The following NAA35 variants were observed in gnomAD, a reference collection of about 807,000 sequenced individuals.
NAA35 encodes the protein MAK10 homolog, amino-acid N-acetyltransferase subunit.
In NAA35, 18 loss-of-function variants were observed where a neutral mutation model predicts 101.7. That is an observed-to-expected ratio of 0.18 (90% CI 0.12 to 0.26). The LOEUF is 0.26. Ranked by LOEUF, NAA35 falls within the 10% of genes least tolerant of loss-of-function variation. The probability of loss-of-function intolerance (pLI) is 1.00; values close to 1 mark genes in which losing one functional copy is unlikely to be tolerated. For synonymous variants in NAA35, 267 were observed against 273.1 expected (o/e 0.98, Z 0.22); for missense variants, 601 against 886.8 (o/e 0.68, Z 4.09).
chr9:85,941,925 T>C, intron 1 of NAA35: 2 of 1,235,122 alleles, frequency 1.6e-6, no homozygotes, highest in Non-Finnish European at 2.0e-6. Context: ...GCAAAATGTT[T>C]ATGGGCCCTG....
chr9:85,969,208 C>T (rs1829891450), intron 6 of NAA35, among the ~76,000 whole-genome samples: 1 of 146,148 alleles, frequency 6.8e-6, no homozygotes, highest in Non-Finnish European at 1.5e-5. Flanking sequence ...TATTGTTTTG[C>T]TTGGTGGAAT....
At chr9:85,994,822 C>T (rs1831084081) in intron 11 of NAA35, among the ~76,000 whole-genome samples, 1 of 152,020 alleles carries the variant, frequency 6.6e-6, no homozygotes, top group Admixed American at 6.6e-5. Context: ...TTTGATAGTA[C>T]AGAAGGGAGA....
intron 2 of NAA35, among the ~76,000 whole-genome samples, chr9:85,947,255 C>G (rs1828810045): frequency 6.6e-6 from 1 of 151,928 alleles, no homozygotes; most frequent in Non-Finnish European, 1.5e-5. Context: ...TAAAGACTAT[C>G]ATTGAAATGA....
At position 85,980,976 on chromosome 9, in the gene NAA35, C is replaced by T. The variant is rs532474819; in HGVS notation, c.877+2595C>T. Among the ~76,000 whole-genome samples, 42 of 152,276 alleles carry T rather than the reference C, an allele frequency of 2.8e-4. 1 individual carries two copies. The South Asian group carries it at 7.2e-3, about 26-fold the overall frequency. On this transcript the variant is annotated intron_variant, in intron 11 of 22. Transcript: ENST00000361671. ...ACCTCATTCCTTTTCCACACCTACCCTCCATTTAGAGACAGACATTGTGTT... is the reference window on the plus strand; with the variant it reads ...ACCTCATTCCTTTTCCACACCTACCTTCCATTTAGAGACAGACATTGTGTT...
chr9:85,980,344 CTGGAAG>C (rs1257055232), intron 11 of NAA35, among the ~76,000 whole-genome samples: 1 of 148,694 alleles, frequency 6.7e-6, no homozygotes, highest in African/African-American at 2.6e-5. Context: ...TCTCCCATCC[CTGGAAG>C]TTGTGGGGTG....
At chr9:85,973,126 CG>C (rs765515326) in intron 6 of NAA35, among the ~76,000 whole-genome samples, 8 of 151,968 alleles carry the variant, frequency 5.3e-5, no homozygotes, top group Non-Finnish European at 1.0e-4. Context: ...GTGTGGGAGC[CG>C]TGAGAGGAGA....
chr9:85,963,445 T>G (rs1485059375), intron 6 of NAA35, among the ~76,000 whole-genome samples: 1 of 151,780 alleles, frequency 6.6e-6, no homozygotes, highest in Non-Finnish European at 1.5e-5. Context: ...TAATTTTGTA[T>G]TTTAGTAGAG....
Position 85,976,742 on chromosome 9 carries a change from G to T in NAA35, c.678+7G>T, listed in dbSNP as rs780456958. ...TCCAGAAGTTGAACTAGAAGTAATT[G>T]AACTTATTTTCTGGTAGATAATATC... On this transcript the variant is annotated splice_region_variant and intron_variant, in intron 9 of 22. Transcript: ENST00000361671. 83 of 1,584,552 alleles carry T rather than the reference G, an allele frequency of 5.2e-5. No individual in the cohort carries two copies. The highest frequency in any genetic ancestry group is 7.0e-5 in the Non-Finnish European group (82 of 1,164,946).
chr9:85,968,409 A>G (rs1181878011), intron 6 of NAA35, among the ~76,000 whole-genome samples: 1 of 151,990 alleles, frequency 6.6e-6, no homozygotes, highest in East Asian at 1.9e-4. Context: ...ATGGGGTTTC[A>G]CTGTGTTAGC....
chr9:85,944,107 G>A (rs1033010301), intron 2 of NAA35, among the ~76,000 whole-genome samples: 5 of 152,316 alleles, frequency 3.3e-5, no homozygotes, highest in Non-Finnish European at 5.9e-5. Context: ...CTTGGACCAA[G>A]TAGCTTCTCA....
At chr9:86,006,504 A>T (rs1330974613) in intron 13 of NAA35, among the ~76,000 whole-genome samples, 10 of 152,234 alleles carry the variant, frequency 6.6e-5, no homozygotes. Flanking sequence ...TAACAATGCC[A>T]ATGAATCTCC....
Position 86,023,802 on chromosome 9 carries a change from G to A in NAA35, c.*1842G>A, listed in dbSNP as rs941026636. Among the ~76,000 whole-genome samples, 2 of 152,196 alleles carry A rather than the reference G, an allele frequency of 1.3e-5. No individual in the cohort carries two copies. The highest frequency in any genetic ancestry group is 4.8e-5 in the African/African-American group (2 of 41,452). ...ATTGATTAGTGTTAGATTTATCAGT[G>A]TATGTTACTGACAGAATCATGTGGT... On this transcript the variant is annotated 3_prime_UTR_variant, in exon 23 of 23. Transcript: ENST00000361671.
intron 2 of NAA35, among the ~76,000 whole-genome samples, chr9:85,951,040 A>T (rs1828996669): frequency 6.6e-6 from 1 of 151,884 alleles, no homozygotes; most frequent in Non-Finnish European, 1.5e-5. Context: ...TGGGAGGCTG[A>T]TGCAGGAGAA....
Position 86,023,701 on chromosome 9 carries a change from A to G in NAA35, c.*1741A>G, listed in dbSNP as rs529939382. Among the ~76,000 whole-genome samples the G allele has an allele frequency of 6.6e-6, 1 of 152,350 alleles. No individual in the cohort carries two copies. The highest frequency in any genetic ancestry group is 1.9e-4 in the East Asian group (1 of 5,188). On this transcript the variant is annotated 3_prime_UTR_variant, in exon 23 of 23. Transcript: ENST00000361671. ...TGTCTGATTGGGTCTGCTGGTATAG[A>G]CGAGCATCTAGGTTATTTTGAAGTA... is the stretch of plus-strand genomic sequence containing the variant.
Position 86,019,568 on chromosome 9 carries a change from A to C in NAA35, c.2037+747A>C, listed in dbSNP as rs80269922. 1.3e-4 allele frequency among the ~76,000 whole-genome samples: 20 copies of C among 152,352 alleles called. No homozygotes were observed. In the East Asian group the frequency reaches 3.7e-3, roughly 28 times the overall value. ...CACTTGACCATTTAAAATAAAGGCT[A>C]CTGCTTTTGAAAACTCTGAGATATC... On this transcript the variant is annotated intron_variant, in intron 21 of 22. Transcript: ENST00000361671.
Position 86,022,109 on chromosome 9 carries a change from TTA to T in NAA35, c.*153_*154del. The stretch of plus-strand genomic sequence containing the variant: ...AAGGAATACTTTTAGTTTGACAGCC[TTA>T]TATGACATGAATGAAAACTGCTGTT... On this transcript the variant is annotated 3_prime_UTR_variant, in exon 23 of 23. Transcript: ENST00000361671. 1 of 590,720 alleles carries T rather than the reference TTA, an allele frequency of 1.7e-6. No individual in the cohort carries two copies. 36.6% of individuals were successfully genotyped at this position (590,720 alleles called of 1,614,324 possible).
chr9:85,985,889 T>C (rs911587723), intron 11 of NAA35, among the ~76,000 whole-genome samples: 4 of 152,198 alleles, frequency 2.6e-5, no homozygotes, highest in African/African-American at 9.7e-5. Context: ...ACTTAAAGTC[T>C]CAGAATTTAT....
rs751917730 is a variant in NAA35, at chr9:86,018,766, A to G, written c.1982A>G (p.Lys661Arg). 1 of 1,614,154 alleles carries G rather than the reference A, an allele frequency of 6.2e-7. No homozygotes were observed. The highest frequency in any genetic ancestry group is 1.3e-5 in the African/African-American group (1 of 75,054). ...CCTGAACTGTATGTGGCAGCTAGTA[A>G]GCACTTTCAACAGGCAAAAATGATA... ...QSPELYVAAS[K>R]HFQQAKMILE... The change falls in exon 21 of 23, where the codon AAG (lysine) becomes AGG (arginine). Residue 661 changes from lysine (K) to arginine (R), a missense_variant. By Grantham distance (26) the Lys-to-Arg change is conservative. Around this residue, in one of 8 missense-constraint regions of NAA35, gnomAD observed 90 missense variants for 108.7 expected, o/e 0.83. Coordinates refer to ENST00000361671, the MANE Select transcript of NAA35 (RefSeq NM_024635.4).
chr9:85,948,436 C>T (rs577238299), intron 2 of NAA35, among the ~76,000 whole-genome samples: 1 of 152,304 alleles, frequency 6.6e-6, no homozygotes, highest in African/African-American at 2.4e-5. Context: ...TCTTGATCCT[C>T]TTAACTGCAG....
Sources: allele counts gnomAD v4.1 joint callset (sites outside exome capture counted in the v4.1 genomes callset), GRCh38; gene constraint gnomAD v4.1.1; regional missense constraint gnomAD v4.1.1; transcripts MANE v1.5; gene names NCBI Gene and HGNC (gene_info 2026-07-23, HGNC 2026-07-21).